The following TNFRSF8 variants were observed in gnomAD, a reference collection of about 807,000 sequenced individuals.
TNFRSF8 encodes the protein TNF receptor superfamily member 8.
In TNFRSF8, 26 loss-of-function variants were observed where a neutral mutation model predicts 70.8. The ratio of observed to expected loss-of-function variants is 0.37; its 90% CI spans 0.27 to 0.51. The LOEUF (loss-of-function observed/expected upper bound fraction) is 0.51, where lower values mean the gene tolerates loss of function less well. TNFRSF8 is among the 20% of genes least tolerant of loss of function. TNFRSF8 has a pLI of 0.94. For synonymous variants in TNFRSF8, 356 were observed against 339.2 expected (o/e 1.05, Z -0.54); for missense variants, 720 against 807.9 (o/e 0.89, Z 1.32).
At position 12,144,114 on chromosome 1, in the gene TNFRSF8, C is replaced by T. The variant is rs1402074219; in HGVS notation, c.*1583C>T. 1 of 152,264 alleles carries T rather than the reference C, an allele frequency of 6.6e-6. No homozygotes were observed. Among genetic ancestry groups the T allele is most frequent in the African/African-American group, 2.4e-5 (1 of 41,466 alleles). The allele number at this position is 152,264 out of a possible 1,614,324, so 9.4% of individuals were successfully genotyped here. A position where few individuals can be genotyped will look rare whatever the true frequency, so the allele number is the denominator to read the frequency against. ...TGGCGCCCATGATGGGAGGGATTGA[C>T]ATGTTTCAACAAAATAATGCACTTC... On this transcript the variant is annotated 3_prime_UTR_variant, in exon 15 of 15. Coordinates refer to ENST00000263932, the MANE Select transcript of TNFRSF8 (RefSeq NM_001243.5).
At chr1:12,117,222 A>AC (rs755133797) in intron 8 of TNFRSF8, among the ~76,000 whole-genome samples, 4 of 152,056 alleles carry the variant, frequency 2.6e-5, no homozygotes, top group Non-Finnish European at 5.9e-5. Flanking sequence ...AGCTGGGATT[A>AC]CAGGTGCCCG....
intron 9 of TNFRSF8, 123 bp from the exon 10 acceptor site, chr1:12,123,592 C>A: frequency 3.0e-6 from 3 of 989,458 alleles, no homozygotes; most frequent in Non-Finnish European, 3.0e-6. Context: ...GGCAGAGACT[C>A]GGGGCAGAGG....
Position 12,142,945 on chromosome 1 carries a change from C to T in TNFRSF8, c.*414C>T, listed in dbSNP as rs1159247923. On this transcript the variant is annotated 3_prime_UTR_variant, in exon 15 of 15. Coordinates refer to ENST00000263932, the MANE Select transcript of TNFRSF8 (RefSeq NM_001243.5). This position sits in a 1 kb window ranked among gnomAD's most constrained non-coding sequence, Gnocchi z 5.0. ...CTCCCGGGGCCCCTGTAACCCTACT[C>T]TCCTCTCTCCCTGGACCTCAGAGGT... 5.8e-6 allele frequency: 1 copy of T among 170,950 alleles called. No individual in the cohort carries two copies. The highest frequency in any genetic ancestry group is 1.3e-5 in the Non-Finnish European group (1 of 79,988). 10.6% of individuals were successfully genotyped at this position (170,950 alleles called of 1,614,324 possible). A position where few individuals can be genotyped will look rare whatever the true frequency, so the allele number is the denominator to read the frequency against.
At chr1:12,103,754 A>G (rs1316220361) in intron 3 of TNFRSF8, among the ~76,000 whole-genome samples, 1 of 152,146 alleles carries the variant, frequency 6.6e-6, no homozygotes, top group South Asian at 2.1e-4. Flanking sequence ...CGGCCTCCCA[A>G]AGTGCTGGGA....
chr1:12,083,271 C>T (rs569269409), intron 1 of TNFRSF8, among the ~76,000 whole-genome samples: 25 of 152,296 alleles, frequency 1.6e-4, no homozygotes, highest in Non-Finnish European at 2.5e-4. Flanking sequence ...ACTGAACATG[C>T]CTTATGCCCC....
rs1641187805 is a variant in TNFRSF8 at position 12,088,201 on chromosome 1, G to A, written c.151+3650G>A. On this transcript the variant is annotated intron_variant, in intron 2 of 14. Transcript: ENST00000263932. This position sits in a 1 kb window ranked among gnomAD's most constrained non-coding sequence, Gnocchi z 4.0. ...CCCTCTCCAGCATTCCTGAGAGCAGGTCCCCAGCCCTTTGCTTACATACTC... is the reference window on the plus strand; with the variant it reads ...CCCTCTCCAGCATTCCTGAGAGCAGATCCCCAGCCCTTTGCTTACATACTC... 6.6e-6 allele frequency among the ~76,000 whole-genome samples: 1 copy of A among 152,064 alleles called. No individual in the cohort carries two copies. The highest frequency in any genetic ancestry group is 2.4e-5 in the African/African-American group (1 of 41,384).
At chr1:12,116,718 TG>T (rs1641737621) in intron 8 of TNFRSF8, among the ~76,000 whole-genome samples, 1 of 152,088 alleles carries the variant, frequency 6.6e-6, no homozygotes, top group African/African-American at 2.4e-5. Context: ...GAGAATCGCT[TG>T]AACCCGGGAG....
intron 3 of TNFRSF8, among the ~76,000 whole-genome samples, chr1:12,100,395 A>G (rs1455746749): frequency 6.6e-6 from 1 of 152,030 alleles, no homozygotes; most frequent in Non-Finnish European, 1.5e-5. Context: ...TCAATAATAA[A>G]TTAAACAACT....
At chr1:12,070,791 G>A (rs1374564483) in intron 1 of TNFRSF8, among the ~76,000 whole-genome samples, 1 of 152,148 alleles carries the variant, frequency 6.6e-6, no homozygotes, top group Non-Finnish European at 1.5e-5. Context: ...GATAGAACAG[G>A]GGTTTTGGAG....
intron 1 of TNFRSF8, among the ~76,000 whole-genome samples, chr1:12,080,710 A>T (rs910993428): frequency 3.3e-5 from 5 of 151,860 alleles, no homozygotes; most frequent in Non-Finnish European, 7.4e-5. Flanking sequence ...GGCACCCACC[A>T]CCACTCCTGG....
Position 12,112,088 on chromosome 1 carries a change from T to A in TNFRSF8, c.793+74T>A, listed in dbSNP as rs1387298842. 1.8e-6 allele frequency: 2 copies of A among 1,101,984 alleles called. No homozygotes were observed. The highest frequency in any genetic ancestry group is 2.7e-6 in the Non-Finnish European group (2 of 734,256). The allele number at this position is 1,101,984 out of a possible 1,614,324, so 68.3% of individuals were successfully genotyped here. A position where few individuals can be genotyped will look rare whatever the true frequency, so the allele number is the denominator to read the frequency against. On this transcript the variant is annotated intron_variant, in intron 7 of 14. Coordinates refer to ENST00000263932, the MANE Select transcript of TNFRSF8 (RefSeq NM_001243.5). The surrounding 1 kb of genome is among the most constrained non-coding windows in gnomAD (Gnocchi z 5.3). ...TGAACCGTGAACTTCCAGTAACTAC[T>A]CCCCCTTATGTTTGTGGGTTTTTGA... is the stretch of plus-strand genomic sequence containing the variant.
intron 4 of TNFRSF8, among the ~76,000 whole-genome samples, chr1:12,107,256 G>A (rs561535112): frequency 2.0e-5 from 3 of 152,268 alleles, no homozygotes; most frequent in South Asian, 2.1e-4. Context: ...TTGGCCAGGT[G>A]TGGTGGCGGG....
chr1:12,125,506 A>C (rs924111277), intron 10 of TNFRSF8, among the ~76,000 whole-genome samples: 3 of 152,162 alleles, frequency 2.0e-5, no homozygotes, highest in African/African-American at 7.2e-5. Context: ...TGGGGACTCC[A>C]TGCCTGCCCT....
rs752373833 is a variant in TNFRSF8 at position 12,142,381 on chromosome 1, C to T, written c.1638C>T (p.Pro546=). Residue 546 remains proline, a synonymous_variant, in exon 15 of 15, where the codon CCC becomes CCT. Coordinates refer to ENST00000263932, the MANE Select transcript of TNFRSF8 (RefSeq NM_001243.5). The surrounding 1 kb of genome is among the most constrained non-coding windows in gnomAD (Gnocchi z 5.0). ...GGGGCCTGGCGGGGCCAGCAGAGCC[C>T]GAGTTGGAGGAGGAGCTGGAGGCGG... ...EGRGLAGPAE[P]ELEEELEADH... is the part of the protein sequence containing the mutation. The T allele has an allele frequency of 7.4e-6, 12 of 1,611,808 alleles. No individual in the cohort carries two copies. The highest frequency in any genetic ancestry group is 1.1e-5 in the South Asian group (1 of 90,678).
intron 1 of TNFRSF8, among the ~76,000 whole-genome samples, chr1:12,070,397 C>G (rs1204958477): frequency 3.3e-5 from 5 of 152,038 alleles, no homozygotes; most frequent in Non-Finnish European, 7.4e-5. Context: ...ACTACAGGCG[C>G]CCGCCACCAC....
chr1:12,084,077 CT>C (rs1355167009), intron 1 of TNFRSF8, among the ~76,000 whole-genome samples: 1 of 152,118 alleles, frequency 6.6e-6, no homozygotes, highest in Non-Finnish European at 1.5e-5. Flanking sequence ...GTGTGTTAGA[CT>C]TCAACAAATA....
In TNFRSF8 at chr1:12,127,180, G is replaced by A. The variant is rs527405629; in HGVS notation, c.1309+944G>A. 2.0e-5 allele frequency among the ~76,000 whole-genome samples: 3 copies of A among 152,326 alleles called. No homozygotes were observed. In the South Asian group the frequency reaches 6.2e-4, roughly 32 times the overall value. ...GGGCAGCCCCTTCAAGGCAGGCCAG[G>A]GTCTTCCTCAGCACTGCATGGCATG... is the stretch of plus-strand genomic sequence containing the variant. On this transcript the variant is annotated intron_variant, in intron 12 of 14. Transcript: ENST00000263932.
Position 12,090,504 on chromosome 1 carries a change from C to CCACT in TNFRSF8, c.151+5956_151+5959dup, listed in dbSNP as rs562263338. Reference sequence around the variant, plus strand: ...CGTACCCACTCATCCATCCACCCACCCACTCATCCATCCACCCACCCACTC... The same window carrying CCACT: ...CGTACCCACTCATCCATCCACCCACCCACTCACTCATCCATCCACCCACCCACTC... On this transcript the variant is annotated intron_variant, in intron 2 of 14. Coordinates refer to ENST00000263932, the MANE Select transcript of TNFRSF8 (RefSeq NM_001243.5). 5.3e-3 allele frequency among the ~76,000 whole-genome samples: 802 copies of CCACT among 151,216 alleles called. 5 individuals are homozygous for CCACT. The highest frequency in any genetic ancestry group is 0.027 in the Middle Eastern group (8 of 294).
At position 12,113,470 on chromosome 1, in the gene TNFRSF8, G is replaced by A. The variant is rs940737665; in HGVS notation, c.793+1456G>A. On this transcript the variant is annotated intron_variant, in intron 7 of 14. Coordinates refer to ENST00000263932, the MANE Select transcript of TNFRSF8 (RefSeq NM_001243.5). The surrounding 1 kb of genome is among the most constrained non-coding windows in gnomAD (Gnocchi z 4.9). ...ATTACAAGCATGAGCCATTGCCCCC[G>A]GCCATAAAAGTCTTGAGAGAGAGAG... Among the ~76,000 whole-genome samples the A allele has an allele frequency of 1.3e-5, 2 of 151,782 alleles. No homozygotes were observed. Among genetic ancestry groups the A allele is most frequent in the South Asian group, 2.1e-4 (1 of 4,818 alleles).
Sources: gnomAD v4.1 joint callset for allele counts (sites outside exome capture counted in the v4.1 genomes callset) on GRCh38, gnomAD v4.1.1 for gene constraint, Gnocchi (gnomAD v3.1) non-coding constraint, MANE v1.5 for transcripts, NCBI Gene and HGNC (gene_info 2026-07-23, HGNC 2026-07-21) for gene names.